The following WWP1 variants were observed in gnomAD, a reference collection of about 807,000 sequenced individuals.
WWP1 encodes NEDD4-like E3 ubiquitin-protein ligase WWP1.
Under a neutral mutation model 130.6 loss-of-function variants are expected in WWP1, and 49 were observed. The ratio of observed to expected loss-of-function variants is 0.38; its 90% confidence interval spans 0.30 to 0.48. The LOEUF (loss-of-function observed/expected upper bound fraction) is 0.48, where lower values mean the gene tolerates loss of function less well. Ranked by LOEUF, WWP1 falls within the 20% of genes least tolerant of loss-of-function variation. The probability of loss-of-function intolerance (pLI) is 0.99; values close to 1 mark genes in which losing one functional copy is unlikely to be tolerated. For missense variants in WWP1, 809 were observed against 1,100.6 expected (o/e 0.74, Z 3.75); for synonymous variants, 332 against 367.8 (o/e 0.90, Z 1.11).
rs1327493548 is a variant in WWP1 at position 86,458,664 on chromosome 8, G to A, written c.2499+639G>A. 3.3e-5 allele frequency among the ~76,000 whole-genome samples: 5 copies of A among 152,230 alleles called. 1 individual carries two copies. Among genetic ancestry groups the A allele is most frequent in the East Asian group, 3.9e-4 (2 of 5,178 alleles). On this transcript the variant is annotated intron_variant, in intron 22 of 24. Transcript: ENST00000517970. ...AATTGGGACTCTTTTGAGCAACTTA[G>A]TGACTGGACTTCTGGCTTACTTCTG...
chr8:86,382,393 C>T (rs916646390), intron 5 of WWP1, among the ~76,000 whole-genome samples: 1 of 152,106 alleles, frequency 6.6e-6, no homozygotes, highest in Admixed American at 6.6e-5. Flanking sequence ...GTGTGATCCT[C>T]TGAATATTAA....
chr8:86,376,129 C>T (rs1824634939), intron 3 of WWP1, among the ~76,000 whole-genome samples: 1 of 152,206 alleles, frequency 6.6e-6, no homozygotes. Flanking sequence ...ATAATTCCTT[C>T]TACTTTTGCT....
chr8:86,403,633 G>A (rs1057451956), intron 8 of WWP1, among the ~76,000 whole-genome samples: 26 of 152,050 alleles, frequency 1.7e-4, no homozygotes, highest in African/African-American at 6.3e-4. Context: ...CCCAAGGTTG[G>A]TGTTTGGGGA....
intron 21 of WWP1, among the ~76,000 whole-genome samples, chr8:86,455,694 A>G (rs996555347): frequency 6.6e-6 from 1 of 151,998 alleles, no homozygotes; most frequent in African/African-American, 2.4e-5. Context: ...TTATATTGTT[A>G]AAGTGTCAGT....
chr8:86,430,879 C>CAT (rs1012578851), intron 12 of WWP1, 128 bp downstream of exon 12: 8 of 237,086 alleles, frequency 3.4e-5, no homozygotes, highest in Admixed American at 2.0e-4. Flanking sequence ...TGTCCCTTAA[C>CAT]ATATATATAT....
rs941744482 is a variant in WWP1 at position 86,411,528 on chromosome 8, C to T, written c.725-10C>T. 5.6e-6 allele frequency: 9 copies of T among 1,600,044 alleles called. No homozygotes were observed. In the African/African-American group the frequency reaches 8.1e-5, roughly 14 times the overall value. On this transcript the variant is annotated splice_polypyrimidine_tract_variant and intron_variant, in intron 8 of 24. Transcript: ENST00000517970. ...CTTGATAGATGATTTTATTAATTTT[C>T]CCTTCTCAGTTAATGGAGAATCATC... is the stretch of plus-strand genomic sequence containing the variant.
chr8:86,390,169 G>T (rs1367184089), intron 5 of WWP1, among the ~76,000 whole-genome samples: 1 of 151,810 alleles, frequency 6.6e-6, no homozygotes, highest in Non-Finnish European at 1.5e-5. Context: ...TCACTTCCTA[G>T]ACGGGATGGC....
chr8:86,401,257 T>A (rs905539151), intron 7 of WWP1, among the ~76,000 whole-genome samples: 2 of 152,088 alleles, frequency 1.3e-5, no homozygotes, highest in African/African-American at 4.8e-5. Flanking sequence ...TTTCAAGATT[T>A]AATAAAGTTA....
chr8:86,466,433 A>T (rs1812142317), intron 24 of WWP1, among the ~76,000 whole-genome samples: 1 of 152,102 alleles, frequency 6.6e-6, no homozygotes, highest in Non-Finnish European at 1.5e-5. Flanking sequence ...TCGGTAAATG[A>T]CTGATGAATG....
chr8:86,427,507 T>G, intron 10 of WWP1, 136 bp from the exon 11 acceptor site: 1 of 902,744 alleles, frequency 1.1e-6, no homozygotes, highest in Non-Finnish European at 1.5e-6. Flanking sequence ...TTAGGTAAAA[T>G]AAATAGTTCA....
intron 1 of WWP1, among the ~76,000 whole-genome samples, chr8:86,352,426 T>C (rs1218737377): frequency 1.3e-5 from 2 of 152,016 alleles, no homozygotes; most frequent in Non-Finnish European, 2.9e-5. Flanking sequence ...GATTTTACCA[T>C]GTTGGCCAGG....
At chr8:86,405,029 C>T (rs1282028287) in intron 8 of WWP1, 1 of 152,208 alleles carries the variant, frequency 6.6e-6, no homozygotes, top group Admixed American at 6.5e-5. Flanking sequence ...GGCCGGTTTA[C>T]AGAGGCTTCC....
chr8:86,436,962 T>G (rs1282407035), intron 16 of WWP1, among the ~76,000 whole-genome samples: 1 of 152,238 alleles, frequency 6.6e-6, no homozygotes, highest in African/African-American at 2.4e-5. Context: ...TTTTTTTTTT[T>G]TGAGTTAATA....
At chr8:86,381,078 C>CCACATAGA (rs149113125) in intron 4 of WWP1, among the ~76,000 whole-genome samples, 1 of 151,150 alleles carries the variant, frequency 6.6e-6, no homozygotes, top group Admixed American at 6.6e-5. Context: ...CAAATTATTT[C>CCACATAGA]CATTTTCTCT....
At chr8:86,419,514 T>TA (rs1223888697) in intron 9 of WWP1, among the ~76,000 whole-genome samples, 3 of 152,148 alleles carry the variant, frequency 2.0e-5, no homozygotes, top group Non-Finnish European at 4.4e-5. Context: ...AAAAATGGAA[T>TA]ACTCAAAGGA....
chr8:86,403,008 G>A (rs1808083113), intron 8 of WWP1, among the ~76,000 whole-genome samples: 1 of 152,138 alleles, frequency 6.6e-6, no homozygotes, highest in Non-Finnish European at 1.5e-5. Flanking sequence ...GAATGCCTAA[G>A]GAAGATGTCC....
chr8:86,412,921 C>T (rs1808673433), intron 9 of WWP1, among the ~76,000 whole-genome samples: 1 of 152,076 alleles, frequency 6.6e-6, no homozygotes, highest in Non-Finnish European at 1.5e-5. Flanking sequence ...TTCCGCCTCC[C>T]AGGTTCAAGT....
At chr8:86,400,053 G>C (rs1462108210) in intron 7 of WWP1, among the ~76,000 whole-genome samples, 6 of 152,130 alleles carry the variant, frequency 3.9e-5, no homozygotes, top group Non-Finnish European at 8.8e-5. Context: ...ATAGTAGACT[G>C]GGCATGGTGG....
Position 86,411,470 on chromosome 8 carries a change from C to T in WWP1, c.725-68C>T, listed in dbSNP as rs1348768028. ...GGATTAGGCTCTGAATAAGTGTAGTCAATTGATTAGGTAATTGATTGCTTT... is the reference window on the plus strand; with the variant it reads ...GGATTAGGCTCTGAATAAGTGTAGTTAATTGATTAGGTAATTGATTGCTTT... On this transcript the variant is annotated intron_variant, in intron 8 of 24. Transcript: ENST00000517970. The T allele has an allele frequency of 1.1e-5, 15 of 1,392,084 alleles. No homozygotes were observed. In the East Asian group the frequency reaches 3.4e-4, roughly 32 times the overall value. 86.2% of individuals were successfully genotyped at this position (1,392,084 alleles called of 1,614,324 possible).
Sources: gnomAD v4.1 joint callset for allele counts (sites outside exome capture counted in the v4.1 genomes callset) on GRCh38, gnomAD v4.1.1 for gene constraint, MANE v1.5 for transcripts, NCBI Gene and HGNC (gene_info 2026-07-23, HGNC 2026-07-21) for gene names.